The following HDAC2 variants were observed in gnomAD, a reference collection of about 807,000 sequenced individuals.
HDAC2 encodes the protein YY1-associated factor 1.
A neutral mutation model predicts 68.5 loss-of-function variants in HDAC2; 5 were observed. The ratio of observed to expected loss-of-function variants is 0.07; its 90% CI spans 0.04 to 0.15. HDAC2 has a LOEUF of 0.15. Ranked by LOEUF, HDAC2 falls within the 10% of genes least tolerant of loss-of-function variation. The pLI is 1.00. For missense variants in HDAC2, 291 were observed against 600.8 expected, an observed-to-expected ratio of 0.48 and a Z score of 5.39; for synonymous variants, 182 against 191.3, an observed-to-expected ratio of 0.95 and a Z score of 0.40.
intron 1 of HDAC2, 88 bp downstream of exon 1, chr6:113,970,769 C>T (rs1213640745): frequency 7.0e-7 from 1 of 1,436,296 alleles, no homozygotes; most frequent in Non-Finnish European, 9.0e-7. Flanking sequence ...CTTCCCACCC[C>T]TCAGCCCCGG....
rs376290180 is a variant in HDAC2, at chr6:113,941,141, T to C, written c.1437-53A>G. 5 of 1,339,918 alleles carry C rather than the reference T, an allele frequency of 3.7e-6. No homozygotes were observed. The East Asian group carries it at 6.9e-5, about 19-fold the overall frequency. The allele number at this position is 1,339,918 out of a possible 1,614,324, so 83.0% of individuals were successfully genotyped here. ...AAAAATGGCACAATCTTGGTTTAAA[T>C]GCACTGACCTATTATATTGATCAGG... is the stretch of plus-strand genomic sequence containing the variant. On this transcript the variant is annotated intron_variant, in intron 13 of 13. Transcript: ENST00000519065.
At position 113,937,629 on chromosome 6, in the gene HDAC2, C is replaced by T. The variant is rs879145311; in HGVS notation, c.*3429G>A. ...GCTCATGCCTGAGTCAGGAGAATCG[C>T]TTGAGCCTAGGAGTTTGTGACCAGC... On this transcript the variant is annotated 3_prime_UTR_variant, in exon 14 of 14. Transcript: ENST00000519065. The T allele has an allele frequency of 1.3e-5, 2 of 152,276 alleles. No homozygotes were observed. Among genetic ancestry groups the T allele is most frequent in the Admixed American group, 6.5e-5 (1 of 15,272 alleles). 9.4% of individuals were successfully genotyped at this position (152,276 alleles called of 1,614,324 possible).
In HDAC2 at chr6:113,944,828, T is replaced by C. The variant is rs150997182; in HGVS notation, c.1092-418A>G. Among the ~76,000 whole-genome samples, 42 of 152,262 alleles carry C rather than the reference T, an allele frequency of 2.8e-4. No individual in the cohort carries two copies. In the East Asian group the frequency reaches 7.5e-3, roughly 27 times the overall value. On this transcript the variant is annotated intron_variant, in intron 10 of 13. Coordinates refer to ENST00000519065, the MANE Select transcript of HDAC2 (RefSeq NM_001527.4). ...TTATTTTAGCCTGCCATTTCAATGA[T>C]GAGAAAACATAAGCACAAAGGCAAG...
chr6:113,936,181 T>C lies in HDAC2; in HGVS notation c.*4877A>G, dbSNP rs1196842329. 6.6e-6 allele frequency: 1 copy of C among 152,224 alleles called. No individual in the cohort carries two copies. The highest frequency in any genetic ancestry group is 1.5e-5 in the Non-Finnish European group (1 of 68,046). The allele number at this position is 152,224 out of a possible 1,614,324, so 9.4% of individuals were successfully genotyped here. On this transcript the variant is annotated 3_prime_UTR_variant, in exon 14 of 14. Transcript: ENST00000519065. ...TTGTAGTTTAATTCAAAGTTTTTAA[T>C]CCAATATTGCATTCAAAAAGAATCT... is the stretch of plus-strand genomic sequence containing the variant.
At chr6:113,956,731 GC>G in intron 3 of HDAC2, 38 bp from the exon 4 acceptor site, 1 of 1,417,696 alleles carries the variant, frequency 7.1e-7, no homozygotes, top group Non-Finnish European at 1.0e-6. Flanking sequence ...AACACATTCT[GC>G]AAATTAATGA....
intron 1 of HDAC2, among the ~76,000 whole-genome samples, chr6:113,962,947 G>C (rs1187502631): frequency 2.2e-4 from 32 of 142,362 alleles, no homozygotes; most frequent in Non-Finnish European, 3.8e-4. Context: ...CTGGGTGACA[G>C]AGCGAGACTC....
chr6:113,945,789 A>G (rs1489373212), intron 9 of HDAC2, among the ~76,000 whole-genome samples: 1 of 152,198 alleles, frequency 6.6e-6, no homozygotes, highest in Non-Finnish European at 1.5e-5. Flanking sequence ...GCTCAGTATT[A>G]GATTATTTTG....
intron 1 of HDAC2, chr6:113,968,445 T>C (rs573137943): frequency 1.3e-5 from 2 of 152,294 alleles, no homozygotes; most frequent in South Asian, 4.1e-4. Context: ...TCTCTGGTAA[T>C]AAAAATATAA....
intron 5 of HDAC2, among the ~76,000 whole-genome samples, chr6:113,955,575 T>C (rs189077865): frequency 1.9e-4 from 29 of 152,266 alleles, no homozygotes; most frequent in Admixed American, 7.8e-4. Flanking sequence ...TAGAGTGTAG[T>C]GGCAGGAACA....
Position 113,956,205 on chromosome 6 carries a change from A to T in HDAC2, c.359-54T>A, listed in dbSNP as rs1404584983. 1.2e-5 allele frequency: 18 copies of T among 1,441,898 alleles called. No individual in the cohort carries two copies. The East Asian group carries it at 4.2e-4, about 33-fold the overall frequency. The allele number at this position is 1,441,898 out of a possible 1,614,324, so 89.3% of individuals were successfully genotyped here. A position where few individuals can be genotyped will look rare whatever the true frequency, so the allele number is the denominator to read the frequency against. ...TAAACATTTATCATAAAAAAGTAGTAGAATGAGACAAAAACACTACAAGTG... is the reference window on the plus strand; with the variant it reads ...TAAACATTTATCATAAAAAAGTAGTTGAATGAGACAAAAACACTACAAGTG... On this transcript the variant is annotated intron_variant, in intron 4 of 13. Coordinates refer to ENST00000519065, the MANE Select transcript of HDAC2 (RefSeq NM_001527.4).
intron 1 of HDAC2, chr6:113,970,471 A>G: frequency 2.8e-6 from 3 of 1,079,280 alleles, no homozygotes; most frequent in Non-Finnish European, 3.4e-6. Flanking sequence ...GACGCGGGGC[A>G]CCCCAAACCT....
chr6:113,956,126 T>C lies in HDAC2; in HGVS notation c.384A>G (p.Gln128=), dbSNP rs1776547065. ...CCCAATTAACAGCCATATCAGTCTGTTGTCGGTTTAACTTCACAGCTCCAG... is the reference window on the plus strand; with the variant it reads ...CCCAATTAACAGCCATATCAGTCTGCTGTCGGTTTAACTTCACAGCTCCAG... ...SVAGAVKLNR[Q]QTDMAVNWAG... is the part of the protein sequence containing the mutation. The change falls in exon 5 of 14, where the codon CAA becomes CAG. Residue 128 remains glutamine (Q), a synonymous_variant. Coordinates refer to ENST00000519065, the MANE Select transcript of HDAC2 (RefSeq NM_001527.4). The C allele has an allele frequency of 6.2e-7, 1 of 1,607,010 alleles. No individual in the cohort carries two copies. Among genetic ancestry groups the C allele is most frequent in the Non-Finnish European group, 8.5e-7 (1 of 1,178,160 alleles).
chr6:113,940,816 A>G lies in HDAC2; in HGVS notation c.*242T>C. On this transcript the variant is annotated 3_prime_UTR_variant, in exon 14 of 14. Coordinates refer to ENST00000519065, the MANE Select transcript of HDAC2 (RefSeq NM_001527.4). Reference sequence around the variant, plus strand: ...AATAGATCAGTTTTTTTGACATAATAACTCACATCAATTTTAAATACTATC... The same window carrying G: ...AATAGATCAGTTTTTTTGACATAATGACTCACATCAATTTTAAATACTATC... 2.6e-6 allele frequency: 1 copy of G among 384,620 alleles called. No individual in the cohort carries two copies. The highest frequency in any genetic ancestry group is 4.6e-6 in the Non-Finnish European group (1 of 215,520). 23.8% of individuals were successfully genotyped at this position (384,620 alleles called of 1,614,324 possible).
chr6:113,957,373 C>A (rs1776579986), intron 3 of HDAC2: 1 of 152,160 alleles, frequency 6.6e-6, no homozygotes, highest in African/African-American at 2.4e-5. Context: ...GAATTGTAAC[C>A]TCTTCAAGAA....
At chr6:113,970,483 C>T in intron 1 of HDAC2, 1 of 1,111,058 alleles carries the variant, frequency 9.0e-7, no homozygotes. Flanking sequence ...CCCAAACCTG[C>T]GTTGCCACGA....
At chr6:113,954,673 G>A (rs532716314) in intron 5 of HDAC2, among the ~76,000 whole-genome samples, 10 of 152,326 alleles carry the variant, frequency 6.6e-5, no homozygotes, top group Admixed American at 2.0e-4. Flanking sequence ...GAGCAGGCAA[G>A]ATGTTACACT....
At position 113,938,551 on chromosome 6, in the gene HDAC2, T is replaced by C. The variant is rs1034684404; in HGVS notation, c.*2507A>G. The C allele has an allele frequency of 2.1e-4, 32 of 152,206 alleles. No individual in the cohort carries two copies. The highest frequency in any genetic ancestry group is 2.1e-3 in the Admixed American group (32 of 15,276). The allele number at this position is 152,206 out of a possible 1,614,324, so 9.4% of individuals were successfully genotyped here. A position where few individuals can be genotyped will look rare whatever the true frequency, so the allele number is the denominator to read the frequency against. ...ATCTTTTCCTATTTAAATCTTCTAG[T>C]GGAGGGCAGAAAACTGGGTTTTCCA... On this transcript the variant is annotated 3_prime_UTR_variant, in exon 14 of 14. Transcript: ENST00000519065.
intron 1 of HDAC2, among the ~76,000 whole-genome samples, chr6:113,969,113 A>G (rs537902746): frequency 1.3e-5 from 2 of 152,364 alleles, no homozygotes; most frequent in South Asian, 4.1e-4. Flanking sequence ...CAGGGAATGC[A>G]GGGCAAGAAT....
rs141049477 is a variant in HDAC2 at position 113,950,319 on chromosome 6, A to G, written c.640-1059T>C. ...ATTCCTAGAAGATACTGTATAGTACAGACATTACTACAAAATAGTATTTTA... is the reference window on the plus strand; with the variant it reads ...ATTCCTAGAAGATACTGTATAGTACGGACATTACTACAAAATAGTATTTTA... On this transcript the variant is annotated intron_variant, in intron 6 of 13. Coordinates refer to ENST00000519065, the MANE Select transcript of HDAC2 (RefSeq NM_001527.4). Among the ~76,000 whole-genome samples, 2 of 152,250 alleles carry G rather than the reference A, an allele frequency of 1.3e-5. 1 individual carries two copies. The highest frequency in any genetic ancestry group is 3.9e-4 in the East Asian group (2 of 5,180).
Sources: allele counts gnomAD v4.1 joint callset (sites outside exome capture counted in the v4.1 genomes callset), GRCh38; gene constraint gnomAD v4.1.1; transcripts MANE v1.5; gene names NCBI Gene and HGNC (gene_info 2026-07-23, HGNC 2026-07-21).